Variants in GPM6A observed in about 807,000 individuals in gnomAD.
GPM6A encodes glycoprotein M6A, also known as neuronal membrane glycoprotein M6-a.
Under a neutral mutation model 32.1 loss-of-function variants are expected in GPM6A, and 7 were observed. The ratio of observed to expected loss-of-function variants is 0.22; its 90% confidence interval spans 0.12 to 0.41. The LOEUF (loss-of-function observed/expected upper bound fraction) is 0.41, where lower values mean the gene tolerates loss of function less well. Among genes scored for constraint, GPM6A ranks in the 10% least tolerant of loss-of-function variants. GPM6A has a pLI of 1.00. For missense variants in GPM6A, 235 were observed against 347.2 expected, an observed-to-expected ratio of 0.68 and a Z score of 2.57; for synonymous variants, 130 against 123.4, an observed-to-expected ratio of 1.05 and a Z score of -0.35.
At chr4:175,799,715 C>T (rs1012951934) in intron 1 of GPM6A, among the ~76,000 whole-genome samples, 1 of 120,430 alleles carries the variant, frequency 8.3e-6, no homozygotes, top group East Asian at 2.7e-4. Context: ...TCGCCCAGGC[C>T]GGACTGCGGA....
intron 1 of GPM6A, among the ~76,000 whole-genome samples, chr4:175,900,378 G>A (rs1737925651): frequency 7.0e-6 from 1 of 142,562 alleles, no homozygotes; most frequent in South Asian, 2.2e-4. Flanking sequence ...GAAAGGAAAG[G>A]AAAGGAAAGG....
At chr4:175,740,541 C>T (rs1309160231) in intron 1 of GPM6A, among the ~76,000 whole-genome samples, 2 of 151,874 alleles carry the variant, frequency 1.3e-5, no homozygotes, top group Admixed American at 6.6e-5. Flanking sequence ...CCACGAGTGC[C>T]TCCCAACAGA....
intron 1 of GPM6A, among the ~76,000 whole-genome samples, chr4:175,992,568 A>G (rs942495396): frequency 9.2e-5 from 14 of 152,206 alleles, no homozygotes; most frequent in Admixed American, 5.9e-4. Context: ...ATCTTACAGG[A>G]CCAAGGTAGC....
At chr4:175,715,213 T>C (rs1745777721) in intron 1 of GPM6A, among the ~76,000 whole-genome samples, 1 of 152,226 alleles carries the variant, frequency 6.6e-6, no homozygotes, top group Non-Finnish European at 1.5e-5. Context: ...TTCATTCATT[T>C]CTTTCATGTG....
At chr4:175,761,447 T>A (rs1238428598) in intron 1 of GPM6A, among the ~76,000 whole-genome samples, 2 of 152,156 alleles carry the variant, frequency 1.3e-5, no homozygotes, top group African/African-American at 4.8e-5. Flanking sequence ...TCCATAAATA[T>A]GTGTTGAATG....
chr4:175,789,053 T>G (rs1320066523), intron 1 of GPM6A, among the ~76,000 whole-genome samples: 1 of 152,174 alleles, frequency 6.6e-6, no homozygotes, highest in Non-Finnish European at 1.5e-5. Context: ...ACCATGGTGC[T>G]GTAAAAAGAG....
intron 1 of GPM6A, among the ~76,000 whole-genome samples, chr4:175,777,123 G>C (rs1489474963): frequency 1.3e-5 from 2 of 152,188 alleles, no homozygotes; most frequent in Non-Finnish European, 2.9e-5. Context: ...GTAAATGCAA[G>C]ATAGTGAGGT....
At chr4:175,977,721 T>G (rs1740700880) in intron 1 of GPM6A, among the ~76,000 whole-genome samples, 1 of 152,194 alleles carries the variant, frequency 6.6e-6, no homozygotes. Context: ...TAACTTCACA[T>G]TATCAGGAAA....
At chr4:175,877,416 G>A (rs1013293200) in intron 1 of GPM6A, among the ~76,000 whole-genome samples, 1 of 152,156 alleles carries the variant, frequency 6.6e-6, no homozygotes, top group Non-Finnish European at 1.5e-5. Flanking sequence ...AAATACCCAA[G>A]ACTAGGTAAT....
At position 175,911,889 on chromosome 4, in the gene GPM6A, C is replaced by A. The variant is rs113794454; in HGVS notation, c.-23+90420G>T. Among the ~76,000 whole-genome samples, 96 of 152,174 alleles carry A rather than the reference C, an allele frequency of 6.3e-4. 2 individuals are homozygous for A. The highest frequency in any genetic ancestry group is 2.3e-3 in the African/African-American group (95 of 41,528). ...AAAAAAATGACAAAAATAAGCAAATCAAGAAGGGCAGGAAACGGAGTGACA... is the reference window on the plus strand; with the variant it reads ...AAAAAAATGACAAAAATAAGCAAATAAAGAAGGGCAGGAAACGGAGTGACA... On this transcript the variant is annotated intron_variant, in intron 1 of 7. Transcript: ENST00000280187.
chr4:175,772,531 T>G (rs1227124866), intron 1 of GPM6A, among the ~76,000 whole-genome samples: 1 of 152,176 alleles, frequency 6.6e-6, no homozygotes, highest in African/African-American at 2.4e-5. Flanking sequence ...ACATTATCCC[T>G]TTTTAGACTG....
chr4:175,917,744 A>G (rs1002139035), intron 1 of GPM6A, among the ~76,000 whole-genome samples: 1 of 152,172 alleles, frequency 6.6e-6, no homozygotes, highest in Admixed American at 6.6e-5. Flanking sequence ...AAAAACACAT[A>G]AAAAGACAAT....
At position 175,732,464 on chromosome 4, in the gene GPM6A, T is replaced by C. The variant is rs182016688; in HGVS notation, c.38-30697A>G. 1.4e-3 allele frequency among the ~76,000 whole-genome samples: 211 copies of C among 152,330 alleles called. 1 individual carries two copies. The highest frequency in any genetic ancestry group is 4.6e-3 in the African/African-American group (190 of 41,580). ...ACTTTTTTCTATGAGTATGTGTGTATATGGATGTATATATACATCATGTTT... is the reference window on the plus strand; with the variant it reads ...ACTTTTTTCTATGAGTATGTGTGTACATGGATGTATATATACATCATGTTT... On this transcript the variant is annotated intron_variant, in intron 1 of 6. Coordinates refer to ENST00000393658, the MANE Select transcript of GPM6A (RefSeq NM_201591.3).
At chr4:175,737,345 CACGCCTGTAATCCTGT>C (rs1560905304) in intron 1 of GPM6A, among the ~76,000 whole-genome samples, 2 of 151,752 alleles carry the variant, frequency 1.3e-5, no homozygotes, top group African/African-American at 4.8e-5. Context: ...CGTAATCCTG[CACGCCTGTAATCCTGT>C]ACGCCTGTAA....
At chr4:175,891,320 C>T (rs1737641709) in intron 1 of GPM6A, 1 of 152,122 alleles carries the variant, frequency 6.6e-6, no homozygotes, top group Non-Finnish European at 1.5e-5. Flanking sequence ...TGCTTCTCTA[C>T]CGGTTACAGC....
At chr4:175,808,943 C>A (rs2291761) in intron 1 of GPM6A, among the ~76,000 whole-genome samples, 73,236 of 151,930 alleles carry the variant, frequency 0.48, 17,995 homozygotes, top group Non-Finnish European at 0.53. Context: ...CTTTCTGTCC[C>A]TTGCTGTTTT....
intron 2 of GPM6A, among the ~76,000 whole-genome samples, chr4:175,694,362 A>G (rs1157385428): frequency 6.6e-6 from 1 of 152,216 alleles, no homozygotes; most frequent in Admixed American, 6.5e-5. Flanking sequence ...CACCTGTTAA[A>G]TTGTTGTGAC....
intron 1 of GPM6A, among the ~76,000 whole-genome samples, chr4:175,911,410 A>C (rs17062248): frequency 2.0e-5 from 3 of 152,024 alleles, no homozygotes; most frequent in Admixed American, 6.5e-5. Flanking sequence ...CTTAAGGCCC[A>C]GTAACACCTT....
At chr4:176,001,939 G>A (rs990376129) in intron 1 of GPM6A, among the ~76,000 whole-genome samples, 5 of 152,158 alleles carry the variant, frequency 3.3e-5, no homozygotes, top group African/African-American at 1.2e-4. Flanking sequence ...TCGCTATTCG[G>A]ATCCTGGGTC....
Sources: allele counts gnomAD v4.1 joint callset (sites outside exome capture counted in the v4.1 genomes callset), GRCh38; gene constraint gnomAD v4.1.1; transcripts MANE v1.5; gene names NCBI Gene and HGNC (gene_info 2026-07-23, HGNC 2026-07-21).